The following ADARB2 variants were observed in gnomAD, a reference collection of about 807,000 sequenced individuals.
The protein encoded by ADARB2 is inactive double-stranded RNA-specific editase B2.
Under a neutral mutation model 62.2 loss-of-function variants are expected in ADARB2, and 25 were observed. The observed-to-expected ratio is 0.40, with a 90% CI of 0.29 to 0.56. The LOEUF (loss-of-function observed/expected upper bound fraction) is 0.56, where lower values mean the gene tolerates loss of function less well. Among genes scored for constraint, ADARB2 ranks in the 20% least tolerant of loss-of-function variants. The pLI, the probability that ADARB2 is intolerant of heterozygous loss-of-function variation, is 0.43. For synonymous variants in ADARB2, 572 were observed against 500.8 expected (o/e 1.14, Z -1.90); for missense variants, 1,071 against 1,077.4 (o/e 0.99, Z 0.08).
chr10:1,359,995 C>T (rs572262908), intron 3 of ADARB2, among the ~76,000 whole-genome samples: 49 of 152,376 alleles, frequency 3.2e-4, no homozygotes, highest in African/African-American at 1.1e-3. Context: ...AAGCTTCCTT[C>T]ATAGGAGCAA....
At chr10:1,724,179 A>C (rs1264888842) in intron 1 of ADARB2, among the ~76,000 whole-genome samples, 1 of 152,224 alleles carries the variant, frequency 6.6e-6, no homozygotes, top group African/African-American at 2.4e-5. Flanking sequence ...GCGTGCAGCC[A>C]AGATTAAAAG....
intron 3 of ADARB2, among the ~76,000 whole-genome samples, chr10:1,342,610 C>T (rs770630956): frequency 9.2e-5 from 14 of 152,166 alleles, no homozygotes; most frequent in Admixed American, 3.9e-4. Flanking sequence ...TGGAAAGTCT[C>T]AGCCTCATCC....
intron 1 of ADARB2, among the ~76,000 whole-genome samples, chr10:1,590,824 T>C (rs1426992053): frequency 6.6e-6 from 1 of 152,110 alleles, no homozygotes; most frequent in East Asian, 1.9e-4. Context: ...GGAGACCTGA[T>C]GCTCAGCACG....
At chr10:1,612,817 T>A (rs1460131404) in intron 1 of ADARB2, among the ~76,000 whole-genome samples, 1 of 152,228 alleles carries the variant, frequency 6.6e-6, no homozygotes, top group African/African-American at 2.4e-5. Flanking sequence ...CATAATATCC[T>A]CGTTTTGCCT....
chr10:1,493,745 T>C (rs1831651549), intron 1 of ADARB2, among the ~76,000 whole-genome samples: 3 of 45,318 alleles, frequency 6.6e-5, no homozygotes, highest in African/African-American at 2.9e-4. Flanking sequence ...TTTTTTTTTT[T>C]TTTTTTTTTT....
At chr10:1,465,886 A>G (rs35861935) in intron 1 of ADARB2, among the ~76,000 whole-genome samples, 13,564 of 152,188 alleles carry the variant, frequency 0.089, 653 homozygotes, top group Middle Eastern at 0.21. Context: ...CGTCTTTCAG[A>G]GTGTACTTTT....
intron 2 of ADARB2, among the ~76,000 whole-genome samples, chr10:1,370,120 T>C (rs1460956719): frequency 1.3e-5 from 2 of 152,240 alleles, no homozygotes; most frequent in Non-Finnish European, 2.9e-5. Flanking sequence ...AAGGGGGTTT[T>C]ATTCTAGAGA....
In ADARB2 at chr10:1,179,128, T is replaced by C. The variant is rs1165682638; in HGVS notation, c.*4065A>G. 5.0e-5 allele frequency: 1 copy of C among 20,122 alleles called. No individual in the cohort carries two copies. Among genetic ancestry groups the C allele is most frequent in the South Asian group, 7.8e-3 (1 of 128 alleles). 1.2% of individuals were successfully genotyped at this position (20,122 alleles called of 1,614,324 possible). A position where few individuals can be genotyped will look rare whatever the true frequency, so the allele number is the denominator to read the frequency against. On this transcript the variant is annotated 3_prime_UTR_variant, in exon 10 of 10. Coordinates refer to ENST00000381312, the MANE Select transcript of ADARB2 (RefSeq NM_018702.4). ...GAAATTTATTATCTAAAAATAGGAT[T>C]TCATCAAAATAACTATTCTGGGCAT... is the stretch of plus-strand genomic sequence containing the variant.
At chr10:1,205,958 C>A (rs954357901) in intron 7 of ADARB2, among the ~76,000 whole-genome samples, 74 of 149,632 alleles carry the variant, frequency 4.9e-4, no homozygotes, top group Admixed American at 1.3e-3. Context: ...GGTCACGGGG[C>A]AGCCCGTTGG....
intron 1 of ADARB2, among the ~76,000 whole-genome samples, chr10:1,687,295 G>A (rs1834609536): frequency 1.3e-5 from 2 of 152,108 alleles, no homozygotes; most frequent in African/African-American, 4.8e-5. Context: ...CAAAGTGCTG[G>A]GATTACAGCT....
chr10:1,238,594 C>T lies in ADARB2; in HGVS notation c.1361+3537G>A, dbSNP rs1269513635. 5.6e-3 allele frequency among the ~76,000 whole-genome samples: 16 copies of T among 2,838 alleles called. 1 individual carries two copies. The East Asian group carries it at 0.088, about 16-fold the overall frequency. The allele number at this position is 2,838 out of a possible 152,430, so 1.9% of individuals were successfully genotyped here. ...CCCTCCCGGTGTTCACTCCCCTCTG[C>T]CTCCCGGTGTTTACTCCCCTCTGCC... is the stretch of plus-strand genomic sequence containing the variant. On this transcript the variant is annotated intron_variant, in intron 5 of 9. Coordinates refer to ENST00000381312, the MANE Select transcript of ADARB2 (RefSeq NM_018702.4).
At position 1,593,085 on chromosome 10, in the gene ADARB2, C is replaced by A. The variant is rs76437087; in HGVS notation, c.100+143966G>T. 4.5e-3 allele frequency among the ~76,000 whole-genome samples: 187 copies of A among 41,722 alleles called. 1 individual carries two copies. The highest frequency in any genetic ancestry group is 7.1e-3 in the South Asian group (8 of 1,120). 27.4% of individuals were successfully genotyped at this position (41,722 alleles called of 152,430 possible). ...TCTGTCACCCAGCTTCCCTCGCCCA[C>A]GCCACCCTCCATAGGTCTCCTCTCT... On this transcript the variant is annotated intron_variant, in intron 1 of 9. Coordinates refer to ENST00000381312, the MANE Select transcript of ADARB2 (RefSeq NM_018702.4).
chr10:1,483,600 T>C (rs147022637), intron 1 of ADARB2, among the ~76,000 whole-genome samples: 2 of 121,544 alleles, frequency 1.6e-5, no homozygotes, highest in East Asian at 4.8e-4. Context: ...TATCCCAGAG[T>C]ATTATTTTTC....
intron 1 of ADARB2, among the ~76,000 whole-genome samples, chr10:1,580,831 C>T (rs925818901): frequency 2.0e-5 from 3 of 152,220 alleles, no homozygotes; most frequent in Admixed American, 2.0e-4. Flanking sequence ...GAATATACAC[C>T]TTATAACCAT....
chr10:1,229,648 G>A lies in ADARB2; in HGVS notation c.1513+4046C>T, dbSNP rs138492120. 5.1e-4 allele frequency among the ~76,000 whole-genome samples: 14 copies of A among 27,284 alleles called. No homozygotes were observed. The East Asian group carries it at 6.1e-3, about 12-fold the overall frequency. 17.9% of individuals were successfully genotyped at this position (27,284 alleles called of 152,430 possible). A position where few individuals can be genotyped will look rare whatever the true frequency, so the allele number is the denominator to read the frequency against. The stretch of plus-strand genomic sequence containing the variant: ...AGATCTGATGCATCAGATACGTGTC[G>A]TGTGCTTGTGTGTGCACATATGCTT... On this transcript the variant is annotated intron_variant, in intron 6 of 9. Coordinates refer to ENST00000381312, the MANE Select transcript of ADARB2 (RefSeq NM_018702.4).
intron 1 of ADARB2, among the ~76,000 whole-genome samples, chr10:1,668,144 C>A (rs1255509311): frequency 6.6e-6 from 1 of 152,236 alleles, no homozygotes; most frequent in Non-Finnish European, 1.5e-5. Flanking sequence ...AGGCCCTCGC[C>A]CCACCACTCG....
At chr10:1,526,906 C>A in intron 1 of ADARB2, 1 of 443,994 alleles carries the variant, frequency 2.3e-6, no homozygotes, top group Admixed American at 2.5e-5. Context: ...ACAGGTGAGT[C>A]CTGGCATAGA....
chr10:1,351,872 G>T (rs541830448), intron 3 of ADARB2, among the ~76,000 whole-genome samples: 4,360 of 139,644 alleles, frequency 0.031, 165 homozygotes, highest in African/African-American at 0.083. Flanking sequence ...TTCAGGATCT[G>T]TGCCTTATCA....
At chr10:1,655,513 T>C (rs1834162787) in intron 1 of ADARB2, among the ~76,000 whole-genome samples, 1 of 152,256 alleles carries the variant, frequency 6.6e-6, no homozygotes, top group African/African-American at 2.4e-5. Flanking sequence ...CTATTTATTC[T>C]AACAGAACCA....
Sources: allele counts gnomAD v4.1 joint callset (sites outside exome capture counted in the v4.1 genomes callset), GRCh38; gene constraint gnomAD v4.1.1; transcripts MANE v1.5; gene names NCBI Gene and HGNC (gene_info 2026-07-23, HGNC 2026-07-21).